The following OPCML variants were observed in gnomAD, a reference collection of about 807,000 sequenced individuals.
OPCML encodes the protein opioid-binding protein/cell adhesion molecule.
In OPCML, 13 loss-of-function variants were observed where a neutral mutation model predicts 37.8. The observed-to-expected ratio is 0.34, with a 90% CI of 0.22 to 0.55. The LOEUF is 0.55. Ranked by LOEUF, OPCML falls within the 20% of genes least tolerant of loss-of-function variation. The probability of loss-of-function intolerance (pLI) is 0.91; values close to 1 mark genes in which losing one functional copy is unlikely to be tolerated. For synonymous variants in OPCML, 176 were observed against 168.8 expected (o/e 1.04, Z -0.33); for missense variants, 341 against 435.6 (o/e 0.78, Z 1.93).
At position 133,140,832 on chromosome 11, in the gene OPCML, CGAA is replaced by C. The variant is rs1360496764; in HGVS notation, c.62-197825_62-197823del. Among the ~76,000 whole-genome samples, 2 of 86,732 alleles carry C rather than the reference CGAA, an allele frequency of 2.3e-5. 1 individual carries two copies. The highest frequency in any genetic ancestry group is 1.4e-4 in the African/African-American group (2 of 14,224). 56.9% of individuals were successfully genotyped at this position (86,732 alleles called of 152,430 possible). ...ACGACGACGAAGAAGAAGACGACGA[CGAA>C]GAAGACGACGACGACGACGAAGAAG... On this transcript the variant is annotated intron_variant, in intron 1 of 7. Coordinates refer to ENST00000524381, the MANE Select transcript of OPCML (RefSeq NM_001012393.5).
chr11:132,552,781 A>ATTTTTTTTTTTTTTTTTTTTT (rs2096385209), intron 3 of OPCML, among the ~76,000 whole-genome samples: 1 of 28,092 alleles, frequency 3.6e-5, no homozygotes, highest in Admixed American at 3.7e-4. Context: ...TTTTTTTTTG[A>ATTTTTTTTTTTTTTTTTTTTT]GACCGAGTGG....
chr11:133,163,802 T>A (rs1336734624), intron 1 of OPCML, among the ~76,000 whole-genome samples: 1 of 152,212 alleles, frequency 6.6e-6, no homozygotes, highest in Non-Finnish European at 1.5e-5. Context: ...AAATAGCAGC[T>A]GCGGTTCAAA....
rs71477791 is a variant in OPCML, at chr11:133,377,612, G to GAAAAAAAAAAAAAAAAA, written c.61+154651_61+154652insTTTTTTTTTTTTTTTTT. ...GCTCTCTCTGACGTGCCAGTATTCA[G>GAAAAAAAAAAAAAAAAA]AAAAAAAAAAAAAAAGAGCACCAAG... On this transcript the variant is annotated intron_variant, in intron 1 of 7. Transcript: ENST00000524381. Among the ~76,000 whole-genome samples the GAAAAAAAAAAAAAAAAA allele has an allele frequency of 3.7e-4, 29 of 79,078 alleles. 4 individuals carry two copies. The highest frequency in any genetic ancestry group is 9.9e-4 in the African/African-American group (17 of 17,236). 51.9% of individuals were successfully genotyped at this position (79,078 alleles called of 152,430 possible). A position where few individuals can be genotyped will look rare whatever the true frequency, so the allele number is the denominator to read the frequency against.
intron 3 of OPCML, among the ~76,000 whole-genome samples, chr11:132,613,544 A>T (rs571072837): frequency 6.6e-6 from 1 of 152,156 alleles, no homozygotes; most frequent in Non-Finnish European, 1.5e-5. Flanking sequence ...CCCAAGAAAC[A>T]CTTCAAAGAA....
At chr11:132,768,236 TC>T (rs1946522146) in intron 2 of OPCML, among the ~76,000 whole-genome samples, 3 of 152,144 alleles carry the variant, frequency 2.0e-5, no homozygotes, top group African/African-American at 7.2e-5. Context: ...TATTCCCAGT[TC>T]CCTACAGCTC....
intron 1 of OPCML, among the ~76,000 whole-genome samples, chr11:133,247,825 G>C (rs1405973301): frequency 6.6e-6 from 1 of 151,970 alleles, no homozygotes. Flanking sequence ...GGCCAGGCTG[G>C]TCTCAAACTT....
intron 4 of OPCML, among the ~76,000 whole-genome samples, chr11:132,446,153 G>GAAGAATC (rs2096054524): frequency 7.1e-6 from 1 of 140,130 alleles, no homozygotes; most frequent in Non-Finnish European, 1.5e-5. Context: ...TTATGTGTGG[G>GAAGAATC]AAGAATCAAG....
At position 132,417,123 on chromosome 11, in the gene OPCML, C is replaced by G. The variant is rs1024532446; in HGVS notation, c.*3070G>C. ...TATGTTTTGTCCTGCCTTGCCCCCA[C>G]CCCATGCCCACTACTGGCACCCTGA... On this transcript the variant is annotated 3_prime_UTR_variant, in exon 8 of 8. Transcript: ENST00000524381. 1 of 152,586 alleles carries G rather than the reference C, an allele frequency of 6.6e-6. No homozygotes were observed. Among genetic ancestry groups the G allele is most frequent in the African/African-American group, 2.4e-5 (1 of 41,450 alleles). 9.5% of individuals were successfully genotyped at this position (152,586 alleles called of 1,614,324 possible).
intron 1 of OPCML, among the ~76,000 whole-genome samples, chr11:133,156,630 TAAAATA>T (rs1448441571): frequency 2.0e-5 from 3 of 152,150 alleles, no homozygotes; most frequent in Non-Finnish European, 4.4e-5. Flanking sequence ...GAGTTGTTCA[TAAAATA>T]AAAGTAATAT....
At chr11:132,421,969 T>C (rs145383408) in intron 7 of OPCML, among the ~76,000 whole-genome samples, 1 of 152,320 alleles carries the variant, frequency 6.6e-6, no homozygotes, top group Non-Finnish European at 1.5e-5. Flanking sequence ...AATAAAAATA[T>C]GTACATAAAG....
chr11:133,096,784 A>G (rs1949010061), intron 1 of OPCML, among the ~76,000 whole-genome samples: 1 of 152,102 alleles, frequency 6.6e-6, no homozygotes, highest in African/African-American at 2.4e-5. Context: ...AAGGTAAGTC[A>G]TCAGAGATAG....
At chr11:132,447,716 G>A (rs1323755890) in intron 4 of OPCML, among the ~76,000 whole-genome samples, 1 of 152,250 alleles carries the variant, frequency 6.6e-6, no homozygotes, top group Non-Finnish European at 1.5e-5. Flanking sequence ...TCTGCTGTCA[G>A]GCCCTAGGGC....
At chr11:132,683,178 G>T (rs1943025710) in intron 2 of OPCML, among the ~76,000 whole-genome samples, 1 of 152,184 alleles carries the variant, frequency 6.6e-6, no homozygotes, top group South Asian at 2.1e-4. Context: ...AATTTGGGAA[G>T]TTGAGGCTGG....
At chr11:133,364,575 C>T (rs905044370) in intron 1 of OPCML, among the ~76,000 whole-genome samples, 2 of 152,154 alleles carry the variant, frequency 1.3e-5, no homozygotes, top group African/African-American at 4.8e-5. Flanking sequence ...TAGCCTCAGA[C>T]TGGGCCTCAG....
chr11:132,868,221 G>T (rs918752129), intron 2 of OPCML, among the ~76,000 whole-genome samples: 3 of 149,218 alleles, frequency 2.0e-5, no homozygotes, highest in Admixed American at 6.7e-5. Flanking sequence ...GTCAAAAATA[G>T]AAATGATGAG....
At chr11:133,425,111 T>C (rs1376909961) in intron 1 of OPCML, among the ~76,000 whole-genome samples, 1 of 152,172 alleles carries the variant, frequency 6.6e-6, no homozygotes, top group African/African-American at 2.4e-5. Context: ...GCTGGAATCA[T>C]CCAATTGTTT....
rs141608488 is a variant in OPCML at position 133,180,354 on chromosome 11, T to A, written c.62-237344A>T. On this transcript the variant is annotated intron_variant, in intron 1 of 7. Coordinates refer to ENST00000524381, the MANE Select transcript of OPCML (RefSeq NM_001012393.5). ...CAGCTGGGTTGTGCAGGTGGACACGTGGCAGCAGCAGCTGATTGCAAAAGC... is the reference window on the plus strand; with the variant it reads ...CAGCTGGGTTGTGCAGGTGGACACGAGGCAGCAGCAGCTGATTGCAAAAGC... Among the ~76,000 whole-genome samples, 144 of 152,266 alleles carry A rather than the reference T, an allele frequency of 9.5e-4. 2 individuals are homozygous for A. The East Asian group carries it at 0.022, about 24-fold the overall frequency.
rs372778368 is a variant in OPCML, at chr11:133,243,906, G to C, written c.61+288358C>G. The stretch of plus-strand genomic sequence containing the variant: ...ACACACTCCTCAGAGTTATTGCCCT[G>C]GAGGTGGGCGAGGGAGCTGCAATGT... On this transcript the variant is annotated intron_variant, in intron 1 of 7. Transcript: ENST00000524381. Among the ~76,000 whole-genome samples, 28 of 152,348 alleles carry C rather than the reference G, an allele frequency of 1.8e-4. No homozygotes were observed. The East Asian group carries it at 3.1e-3, about 17-fold the overall frequency.
At chr11:133,428,659 T>C (rs1359474086) in intron 1 of OPCML, among the ~76,000 whole-genome samples, 1 of 151,860 alleles carries the variant, frequency 6.6e-6, no homozygotes, top group African/African-American at 2.4e-5. Flanking sequence ...AAATATACAA[T>C]CACAAAACCT....
Sources: gnomAD v4.1 joint callset for allele counts (sites outside exome capture counted in the v4.1 genomes callset) on GRCh38, gnomAD v4.1.1 for gene constraint, MANE v1.5 for transcripts, NCBI Gene and HGNC (gene_info 2026-07-23, HGNC 2026-07-21) for gene names.